The following TBXT variants were observed in gnomAD, a reference collection of about 807,000 sequenced individuals.
The protein encoded by TBXT is T brachyury transcription factor.
A neutral mutation model predicts 41.1 loss-of-function variants in TBXT; 19 were observed. That is an observed-to-expected ratio of 0.46 (90% CI 0.32 to 0.68). The LOEUF is 0.68. TBXT is among the 30% of genes least tolerant of loss of function. TBXT has a pLI of 0.03. For missense variants in TBXT, 536 were observed against 582.0 expected (o/e 0.92, Z 0.81); for synonymous variants, 213 against 238.9 (o/e 0.89, Z 1.00).
At chr6:166,165,156 G>A (rs1261603922) in intron 3 of TBXT, among the ~76,000 whole-genome samples, 1 of 152,150 alleles carries the variant, frequency 6.6e-6, no homozygotes, top group African/African-American at 2.4e-5. Context: ...CACAGTCTGG[G>A]GCTGCTTAGG....
intron 2 of TBXT, among the ~76,000 whole-genome samples, chr6:166,166,161 A>C (rs766356559): frequency 3.9e-5 from 6 of 152,244 alleles, no homozygotes; most frequent in Non-Finnish European, 8.8e-5. Flanking sequence ...CTTGTTTGCA[A>C]CTTGCCTAAC....
At position 166,167,707 on chromosome 6, in the gene TBXT, C is replaced by A; in HGVS notation, c.-116G>T. 7.3e-7 allele frequency: 1 copy of A among 1,364,604 alleles called. No homozygotes were observed. The highest frequency in any genetic ancestry group is 1.0e-6 in the Non-Finnish European group (1 of 999,386). The allele number at this position is 1,364,604 out of a possible 1,614,324, so 84.5% of individuals were successfully genotyped here. On this transcript the variant is annotated 5_prime_UTR_variant, in exon 1 of 8. Transcript: ENST00000366876. ...AGAAAAGGGGCCCCTTGGACCGAGACCTGCGACGGCTCCCGGGTCCCGGGT... is the reference window on the plus strand; with the variant it reads ...AGAAAAGGGGCCCCTTGGACCGAGAACTGCGACGGCTCCCGGGTCCCGGGT...
Position 166,158,309 on chromosome 6 carries a change from G to T in TBXT, c.*6C>A. On this transcript the variant is annotated 3_prime_UTR_variant, in exon 8 of 8. Coordinates refer to ENST00000366876, the MANE Select transcript of TBXT (RefSeq NM_001366285.2). ...CTGCATCTTTCGGGACCTGGGCCTT[G>T]CTGCTTCACATGGAAGGTGGCGACA... 1 of 1,614,244 alleles carries T rather than the reference G, an allele frequency of 6.2e-7. No homozygotes were observed. The highest frequency in any genetic ancestry group is 8.5e-7 in the Non-Finnish European group (1 of 1,180,046).
At chr6:166,163,950 C>G (rs1247449960) in intron 5 of TBXT, among the ~76,000 whole-genome samples, 1 of 152,172 alleles carries the variant, frequency 6.6e-6, no homozygotes, top group African/African-American at 2.4e-5. Context: ...GAGGAGTGTG[C>G]CCTGTTGATT....
At position 166,158,704 on chromosome 6, in the gene TBXT, T is replaced by C. The variant is rs567693127; in HGVS notation, c.1038-116A>G. 2.0e-5 allele frequency: 25 copies of C among 1,230,760 alleles called. No homozygotes were observed. In the African/African-American group the frequency reaches 3.8e-4, roughly 19 times the overall value. 76.2% of individuals were successfully genotyped at this position (1,230,760 alleles called of 1,614,324 possible). A position where few individuals can be genotyped will look rare whatever the true frequency, so the allele number is the denominator to read the frequency against. ...TGACTGTGTAATATGACAGTTTTCT[T>C]CTTTCAAACAGGTCATTTTCTCCAA... On this transcript the variant is annotated intron_variant, in intron 7 of 7. Transcript: ENST00000366876.
intron 2 of TBXT, 62 bp from the exon 3 acceptor site, chr6:166,165,902 C>T: frequency 6.2e-7 from 1 of 1,609,906 alleles, no homozygotes; most frequent in African/African-American, 1.3e-5. Context: ...AGCAAAACAT[C>T]CATTTCTCCA....
chr6:166,167,132 C>T (rs1244490222), intron 1 of TBXT, among the ~76,000 whole-genome samples: 1 of 152,242 alleles, frequency 6.6e-6, no homozygotes, highest in African/African-American at 2.4e-5. Context: ...GGGACCAGGG[C>T]GCGCCTCGCG....
In TBXT at chr6:166,167,723, G is replaced by A; in HGVS notation, c.-132C>T. 8 of 1,186,322 alleles carry A rather than the reference G, an allele frequency of 6.7e-6. No homozygotes were observed. In the South Asian group the frequency reaches 9.4e-5, roughly 14 times the overall value. The allele number at this position is 1,186,322 out of a possible 1,614,324, so 73.5% of individuals were successfully genotyped here. On this transcript the variant is annotated 5_prime_UTR_variant, in exon 1 of 8. Coordinates refer to ENST00000366876, the MANE Select transcript of TBXT (RefSeq NM_001366285.2). ...GGACCGAGACCTGCGACGGCTCCCGGGTCCCGGGTCCCGGCACAGACCCGG... is the reference window on the plus strand; with the variant it reads ...GGACCGAGACCTGCGACGGCTCCCGAGTCCCGGGTCCCGGCACAGACCCGG...
At position 166,165,980 on chromosome 6, in the gene TBXT, G is replaced by A; in HGVS notation, c.472-140C>T. The A allele has an allele frequency of 2.3e-6, 3 of 1,314,044 alleles. No individual in the cohort carries two copies. The East Asian group carries it at 6.9e-5, about 30-fold the overall frequency. The allele number at this position is 1,314,044 out of a possible 1,614,324, so 81.4% of individuals were successfully genotyped here. ...GTTGAGGGAAGTGGGGTTCCACCAG[G>A]GGAGGCTTCTCCGCGGTTTATATGT... On this transcript the variant is annotated intron_variant, in intron 2 of 7. Coordinates refer to ENST00000366876, the MANE Select transcript of TBXT (RefSeq NM_001366285.2).
Position 166,166,803 on chromosome 6 carries a change from A to G in TBXT, c.260T>C (p.Met87Thr), listed in dbSNP as rs376160217. 1.9e-6 allele frequency: 3 copies of G among 1,613,774 alleles called. No individual in the cohort carries two copies. Among genetic ancestry groups the G allele is most frequent in the Non-Finnish European group, 2.5e-6 (3 of 1,180,050 alleles). ...VNVSGLDPNA[M>T]YSFLLDFVAA... ...CACGAAGTCCAGCAGGAAGGAGTAC[A>G]TGGCGTTGGGGTCCAGGCCAGACAC... is the stretch of plus-strand genomic sequence containing the variant. The change falls in exon 2 of 8, where the codon ATG becomes ACG. Residue 87 changes from methionine to threonine, a missense_variant. By Grantham distance (81) the Met-to-Thr change is moderately conservative (BLOSUM62 -1). Transcript: ENST00000366876.
rs540830947 is a variant in TBXT at position 166,161,024 on chromosome 6, G to C, written c.908-58C>G. On this transcript the variant is annotated intron_variant, in intron 6 of 7. Coordinates refer to ENST00000366876, the MANE Select transcript of TBXT (RefSeq NM_001366285.2). ...GATGGTGTCTTCCAAGAACAACAAAGTACAGTGAAATACCACCAATAACTG... is the reference window on the plus strand; with the variant it reads ...GATGGTGTCTTCCAAGAACAACAAACTACAGTGAAATACCACCAATAACTG... 7 of 1,604,536 alleles carry C rather than the reference G, an allele frequency of 4.4e-6. No individual in the cohort carries two copies. In the South Asian group the frequency reaches 5.5e-5, roughly 13 times the overall value.
At chr6:166,165,952 G>A in intron 2 of TBXT, 112 bp from the exon 3 acceptor site, 1 of 1,517,652 alleles carries the variant, frequency 6.6e-7, no homozygotes, top group South Asian at 1.1e-5. Context: ...AAGTGTCTCT[G>A]CTGTTGAGGG....
intron 7 of TBXT, among the ~76,000 whole-genome samples, chr6:166,160,118 C>T (rs1318720968): frequency 6.6e-6 from 1 of 152,160 alleles, no homozygotes; most frequent in Non-Finnish European, 1.5e-5. Context: ...TATCTCTGGC[C>T]CTCCTTCCTC....
chr6:166,162,091 G>T (rs1312415137), intron 6 of TBXT, among the ~76,000 whole-genome samples: 3 of 152,216 alleles, frequency 2.0e-5, no homozygotes, highest in African/African-American at 7.2e-5. Flanking sequence ...GCCCATCATT[G>T]TCACTTTAGA....
At chr6:166,167,915 CG>C (rs1779185140), upstream of TBXT, 3 of 432,052 alleles carry the variant, frequency 6.9e-6, no homozygotes, top group Admixed American at 1.1e-4. Flanking sequence ...GGGTGCTCGG[CG>C]GATTGGGCCG....
At position 166,162,461 on chromosome 6, in the gene TBXT, C is replaced by T. The variant is rs781720077; in HGVS notation, c.893G>A (p.Arg298Gln). The T allele has an allele frequency of 5.0e-6, 8 of 1,614,114 alleles. No individual in the cohort carries two copies. In the South Asian group the frequency reaches 5.5e-5, roughly 11 times the overall value. The part of the protein sequence containing the change: ...SSPYPSPYAH[R>Q]NNSPTYSDNS... ...TGAGGACTCACTTGGAGAATTGTTC[C>T]GATGAGCATAGGGGCTGGGGTAGGG... Residue 298 changes from arginine to glutamine, a missense_variant, in exon 6 of 8, where the codon CGG becomes CAG. Coordinates refer to ENST00000366876, the MANE Select transcript of TBXT (RefSeq NM_001366285.2).
Position 166,162,517 on chromosome 6 carries a change from C to A in TBXT, c.837G>T (p.Arg279Ser), listed in dbSNP as rs752749538. The A allele has an allele frequency of 6.2e-7, 1 of 1,614,058 alleles. No homozygotes were observed. ...LSLPSTHSCD[R>S]YPTLRSHRSS... ...ACCGGTGGCTCCTCAGGGTTGGGTA[C>A]CTGTCACAGCTGTGCGTGGAGGGGA... The change falls in exon 6 of 8, where the codon AGG becomes AGT. Residue 279 changes from arginine to serine, a missense_variant. Coordinates refer to ENST00000366876, the MANE Select transcript of TBXT (RefSeq NM_001366285.2).
rs117444672 is a variant in TBXT, at chr6:166,161,331, C to T, written c.908-365G>A. On this transcript the variant is annotated intron_variant, in intron 6 of 7. Transcript: ENST00000366876. Reference sequence around the variant, plus strand: ...CCAGTGATTACTTCATAAGAATGGGCGATAGAAACCATTACTCCAGGCAAA... The same window carrying T: ...CCAGTGATTACTTCATAAGAATGGGTGATAGAAACCATTACTCCAGGCAAA... 3.7e-4 allele frequency among the ~76,000 whole-genome samples: 57 copies of T among 152,194 alleles called. No individual in the cohort carries two copies. In the East Asian group the frequency reaches 5.6e-3, roughly 15 times the overall value.
chr6:166,158,577 C>A lies in TBXT; in HGVS notation c.1049G>T (p.Ser350Ile). 6.5e-7 allele frequency: 1 copy of A among 1,549,422 alleles called. No homozygotes were observed. ...SPPTSSSQYP[S>I]LWSVSNGAVT... ...GGCGCCGTTGCTCACAGACCACAGG[C>A]TGGGGTACTGACTGCAACAGAAAGA... The change falls in exon 8 of 8, where the codon AGC (serine) becomes ATC (isoleucine). Residue 350 changes from serine (S) to isoleucine (I), a missense_variant. By Grantham distance (142) the Ser-to-Ile change is moderately radical (BLOSUM62 -2). Transcript: ENST00000366876.
Sources: gnomAD v4.1 joint callset for allele counts (sites outside exome capture counted in the v4.1 genomes callset) on GRCh38, gnomAD v4.1.1 for gene constraint, MANE v1.5 for transcripts, NCBI Gene and HGNC (gene_info 2026-07-23, HGNC 2026-07-21) for gene names.